CCDC62: variants seen among roughly 807,000 people sequenced by gnomAD.
CCDC62 encodes the protein coiled-coil domain containing 62, also known as coiled-coil domain-containing protein 62.
A neutral mutation model predicts 80.8 loss-of-function variants in CCDC62; 72 were observed. The observed-to-expected ratio is 0.89, with a 90% CI of 0.74 to 1.08. The LOEUF (loss-of-function observed/expected upper bound fraction) is 1.08, where lower values mean the gene tolerates loss of function less well. Ranked by LOEUF, CCDC62 falls within the 50% of genes least tolerant of loss-of-function variation. The pLI, the probability that CCDC62 is intolerant of heterozygous loss-of-function variation, is 0.00. For missense variants in CCDC62, 704 were observed against 809.4 expected (o/e 0.87, Z 1.58); for synonymous variants, 286 against 296.5 (o/e 0.96, Z 0.36).
At chr12:122,825,342 ATTTTT>A (rs749990077) in intron 12 of CCDC62, among the ~76,000 whole-genome samples, 2 of 89,790 alleles carry the variant, frequency 2.2e-5, no homozygotes, top group African/African-American at 4.7e-5. Flanking sequence ...CACCTGGCTA[ATTTTT>A]TTTTTTTTTT....
At chr12:122,785,963 G>T (rs933216310) in intron 4 of CCDC62, 143 bp downstream of exon 4, 4 of 620,202 alleles carry the variant, frequency 6.4e-6, no homozygotes, top group Non-Finnish European at 1.1e-5. Context: ...ATTTAGAAAT[G>T]AGGGAAACAA....
rs376712102 is a variant in CCDC62 at position 122,801,723 on chromosome 12, C to T, written c.1577C>T (p.Pro526Leu). Residue 526 changes from proline (P) to leucine (L), a missense_variant, in exon 9 of 13, where the codon CCA (proline) becomes CTA (leucine). Transcript: ENST00000253079. ...CHPSNFIIEA[P>L]GHMSDVEWMS... ...CCGAGTAACTTCATAATTGAAGCCC[C>T]AGGCCACATGTCTGACGTGGAGTGG... 2.4e-5 allele frequency: 39 copies of T among 1,614,170 alleles called. No homozygotes were observed. Among genetic ancestry groups the T allele is most frequent in the Non-Finnish European group, 3.2e-5 (38 of 1,180,038 alleles).
chr12:122,810,822 A>G, intron 10 of CCDC62, among the ~76,000 whole-genome samples: 1 of 152,196 alleles, frequency 6.6e-6, no homozygotes, highest in East Asian at 1.9e-4. Context: ...CATATACACC[A>G]TGGAATACTA....
chr12:122,808,793 CTG>C (rs2031735760), intron 10 of CCDC62, among the ~76,000 whole-genome samples: 2 of 152,282 alleles, frequency 1.3e-5, no homozygotes, highest in African/African-American at 2.4e-5. Flanking sequence ...TCCCAAAGTG[CTG>C]GGGTATATTT....
chr12:122,813,696 G>A (rs1157577126), intron 11 of CCDC62, among the ~76,000 whole-genome samples: 1 of 152,050 alleles, frequency 6.6e-6, no homozygotes, highest in African/African-American at 2.4e-5. Context: ...TGCTCTTGTC[G>A]CCCAGGCTGA....
At position 122,788,761 on chromosome 12, in the gene CCDC62, A is replaced by G. The variant is rs1219068333; in HGVS notation, c.502A>G (p.Lys168Glu). 2.6e-6 allele frequency: 4 copies of G among 1,552,082 alleles called. No individual in the cohort carries two copies. The highest frequency in any genetic ancestry group is 3.5e-6 in the Non-Finnish European group (4 of 1,154,928). Residue 168 changes from lysine (K) to glutamate (E), a missense_variant, in exon 5 of 13, where the codon AAA becomes GAA. Coordinates refer to ENST00000253079, the MANE Select transcript of CCDC62 (RefSeq NM_201435.5). ...ALTTMIKLKD[K>E]DIIEAVNHIA... ...CATTTTCAAATTTGGTTTTTAGGAC[A>G]AAGATATTATTGAGGCAGTTAATCA...
At chr12:122,815,879 G>T (rs1566088672) in intron 11 of CCDC62, among the ~76,000 whole-genome samples, 1 of 152,048 alleles carries the variant, frequency 6.6e-6, no homozygotes, top group African/African-American at 2.4e-5. Flanking sequence ...CTCTGGCTAG[G>T]ACCTCCAGAT....
intron 9 of CCDC62, among the ~76,000 whole-genome samples, chr12:122,804,751 G>A (rs937989464): frequency 6.6e-6 from 1 of 150,570 alleles, no homozygotes; most frequent in African/African-American, 2.4e-5. Flanking sequence ...ATAGGGTCTC[G>A]CTATCACCCA....
Position 122,802,453 on chromosome 12 carries a change from G to C in CCDC62, c.1706+601G>C, listed in dbSNP as rs373320740. On this transcript the variant is annotated intron_variant, in intron 9 of 12. Transcript: ENST00000253079. ...TTTGGAGATGGAGTCTAGCTTTGTC[G>C]CCCAGGCTGGAGTGCAGTGGCGCAG... Among the ~76,000 whole-genome samples the C allele has an allele frequency of 2.9e-5, 4 of 139,584 alleles. No homozygotes were observed. The South Asian group carries it at 6.8e-4, about 24-fold the overall frequency. The allele number at this position is 139,584 out of a possible 152,430, so 91.6% of individuals were successfully genotyped here. A position where few individuals can be genotyped will look rare whatever the true frequency, so the allele number is the denominator to read the frequency against.
intron 10 of CCDC62, among the ~76,000 whole-genome samples, chr12:122,810,617 A>C (rs1341569396): frequency 3.9e-5 from 6 of 152,268 alleles, no homozygotes; most frequent in Admixed American, 2.0e-4. Flanking sequence ...TGTGGCGATT[A>C]CTCAGGGATC....
At chr12:122,820,494 T>C (rs2032358005) in intron 11 of CCDC62, among the ~76,000 whole-genome samples, 1 of 152,162 alleles carries the variant, frequency 6.6e-6, no homozygotes, top group South Asian at 2.1e-4. Flanking sequence ...CGTGGCAGGC[T>C]GATAAAGCCT....
At chr12:122,798,737 C>T (rs536173736) in intron 8 of CCDC62, among the ~76,000 whole-genome samples, 1 of 152,136 alleles carries the variant, frequency 6.6e-6, no homozygotes, top group South Asian at 2.1e-4. Context: ...GCCGAGATCG[C>T]GCCATTGCAC....
chr12:122,787,640 A>G (rs1337673485), intron 4 of CCDC62, among the ~76,000 whole-genome samples: 1 of 151,784 alleles, frequency 6.6e-6, no homozygotes, highest in Non-Finnish European at 1.5e-5. Flanking sequence ...AGTCCCAGCT[A>G]CTCAGGAGGC....
chr12:122,826,438 G>A lies in CCDC62; in HGVS notation c.*57G>A, dbSNP rs773400376. 2.6e-6 allele frequency: 2 copies of A among 780,044 alleles called. No individual in the cohort carries two copies. Among genetic ancestry groups the A allele is most frequent in the East Asian group, 4.9e-5 (2 of 41,226 alleles). The allele number at this position is 780,044 out of a possible 1,614,324, so 48.3% of individuals were successfully genotyped here. ...CAAAAGCAGATTTCTCATCTATGTGGAAGGCAGAAAGCAGACACCAATACT... is the reference window on the plus strand; with the variant it reads ...CAAAAGCAGATTTCTCATCTATGTGAAAGGCAGAAAGCAGACACCAATACT... On this transcript the variant is annotated 3_prime_UTR_variant, in exon 13 of 13. Coordinates refer to ENST00000253079, the MANE Select transcript of CCDC62 (RefSeq NM_201435.5).
chr12:122,811,293 C>T (rs2031867877), intron 10 of CCDC62, among the ~76,000 whole-genome samples: 1 of 137,774 alleles, frequency 7.3e-6, no homozygotes, highest in Non-Finnish European at 1.5e-5. Context: ...CTCACCGCAA[C>T]CTCCGCCTCC....
At chr12:122,782,328 C>T (rs184503159) in intron 3 of CCDC62, among the ~76,000 whole-genome samples, 1 of 152,302 alleles carries the variant, frequency 6.6e-6, no homozygotes, top group East Asian at 1.9e-4. Context: ...CAGTACAACG[C>T]TTTTTAACCG....
intron 12 of CCDC62, among the ~76,000 whole-genome samples, chr12:122,824,869 G>A (rs1419593758): frequency 6.6e-6 from 1 of 152,074 alleles, no homozygotes; most frequent in South Asian, 2.1e-4. Context: ...CAGATCACCT[G>A]AGGTCGGGAG....
chr12:122,783,538 T>C (rs978111274), intron 3 of CCDC62, among the ~76,000 whole-genome samples: 1 of 152,176 alleles, frequency 6.6e-6, no homozygotes, highest in East Asian at 1.9e-4. Context: ...ATTCTTTTAT[T>C]TCTTAGTGAT....
At chr12:122,804,988 G>A (rs1285561843) in intron 9 of CCDC62, among the ~76,000 whole-genome samples, 4 of 150,008 alleles carry the variant, frequency 2.7e-5, no homozygotes, top group East Asian at 2.0e-4. Context: ...GGGTTCAAGC[G>A]ATTCTCCTGC....
Sources: allele counts gnomAD v4.1 joint callset (sites outside exome capture counted in the v4.1 genomes callset), GRCh38; gene constraint gnomAD v4.1.1; transcripts MANE v1.5; gene names NCBI Gene and HGNC (gene_info 2026-07-23, HGNC 2026-07-21).